Variants in PRLR observed in about 807,000 individuals in gnomAD.
The protein encoded by PRLR is prolactin receptor.
In PRLR, 13 loss-of-function variants were observed where a neutral mutation model predicts 40.2. That is an observed-to-expected ratio of 0.32 (90% CI 0.21 to 0.51). The LOEUF (loss-of-function observed/expected upper bound fraction) is 0.51. Ranked by LOEUF, PRLR falls within the 20% of genes least tolerant of loss-of-function variation. PRLR has a pLI of 0.97. For synonymous variants in PRLR, 269 were observed against 278.7 expected (o/e 0.97, Z 0.35); for missense variants, 656 against 747.3 (o/e 0.88, Z 1.42).
intron 1 of PRLR, among the ~76,000 whole-genome samples, chr5:35,129,439 C>T (rs1773581975): frequency 6.6e-6 from 1 of 152,172 alleles, no homozygotes; most frequent in Admixed American, 6.5e-5. Context: ...CACTGTGGAA[C>T]TGTACAACTC....
In PRLR at chr5:35,072,673, T is replaced by C; in HGVS notation, c.445A>G (p.Ile149Val). 1.9e-6 allele frequency: 3 copies of C among 1,614,208 alleles called. No homozygotes were observed. The highest frequency in any genetic ancestry group is 2.5e-6 in the Non-Finnish European group (3 of 1,180,034). Residue 149 changes from isoleucine (I) to valine (V), a missense_variant, in exon 6 of 10, where the codon ATT (isoleucine) becomes GTT (valine). Physicochemically the swap from Ile to Val is conservative, Grantham distance 29. Transcript: ENST00000618457. ...ATCAGGGTAGGTGGAGACCATTTAA[T>C]CCACAGGTAGGGTTTTCTGTCTTCT... ...QPEDRKPYLW[I>V]KWSPPTLIDL...
rs892568357 is a variant in PRLR, at chr5:35,099,355, G to A, written c.-43-9692C>T. On this transcript the variant is annotated intron_variant, in intron 2 of 9. Transcript: ENST00000618457. ...GTCAGGGCCATTCTAACATCGTAACGTAATGCTTTACGCCGTGTTTGTGGT... is the reference window on the plus strand; with the variant it reads ...GTCAGGGCCATTCTAACATCGTAACATAATGCTTTACGCCGTGTTTGTGGT... Among the ~76,000 whole-genome samples the A allele has an allele frequency of 3.9e-5, 6 of 152,286 alleles. No homozygotes were observed. The East Asian group carries it at 7.7e-4, about 20-fold the overall frequency.
At chr5:35,165,638 T>C (rs1015712022) in intron 1 of PRLR, among the ~76,000 whole-genome samples, 2 of 152,210 alleles carry the variant, frequency 1.3e-5, no homozygotes, top group African/African-American at 4.8e-5. Context: ...AATCTAGTGA[T>C]TCGGGCTTAT....
intron 1 of PRLR, among the ~76,000 whole-genome samples, chr5:35,138,901 G>A (rs997215708): frequency 6.6e-6 from 1 of 152,120 alleles, no homozygotes; most frequent in Non-Finnish European, 1.5e-5. Flanking sequence ...ATTATAAGAT[G>A]TATTCCAATT....
At chr5:35,089,787 G>A in intron 2 of PRLR, 124 bp from the exon 3 acceptor site, 1 of 619,942 alleles carries the variant, frequency 1.6e-6, no homozygotes, top group East Asian at 2.8e-5. Context: ...CAAAATAGGA[G>A]GAAAGGAATG....
rs1204459432 is a variant in PRLR at position 35,065,527 on chromosome 5, C to G, written c.1431G>C (p.Arg477Ser). The G allele has an allele frequency of 6.2e-7, 1 of 1,614,082 alleles. No homozygotes were observed. The highest frequency in any genetic ancestry group is 1.7e-5 in the Admixed American group (1 of 60,006). The change falls in exon 10 of 10, where the codon AGG becomes AGC. Residue 477 changes from arginine (R) to serine (S), a missense_variant. Coordinates refer to ENST00000618457, the MANE Select transcript of PRLR (RefSeq NM_000949.7). ...TCTCAGAATGGAAGCTTTCTACCTC[C>G]CTCTGCTGGGTTGCCTTTCCCTCTT... ...SREEGKATQQ[R>S]EVESFHSETD...
intron 1 of PRLR, among the ~76,000 whole-genome samples, chr5:35,172,158 A>G (rs906462643): frequency 6.6e-6 from 1 of 152,232 alleles, no homozygotes; most frequent in Non-Finnish European, 1.5e-5. Flanking sequence ...TTAAATGCTG[A>G]AAGCAGGACA....
At chr5:35,187,108 A>G (rs1229815057) in intron 1 of PRLR, among the ~76,000 whole-genome samples, 1 of 152,170 alleles carries the variant, frequency 6.6e-6, no homozygotes, top group East Asian at 1.9e-4. Flanking sequence ...TGCCTACTTC[A>G]GAAGGGTGCT....
chr5:35,227,512 T>C (rs1776582444), intron 1 of PRLR, among the ~76,000 whole-genome samples: 1 of 152,262 alleles, frequency 6.6e-6, no homozygotes, highest in East Asian at 1.9e-4. Flanking sequence ...TGAGGCAATG[T>C]GTGAAAGTGC....
At chr5:35,106,678 A>T (rs1328371535) in intron 2 of PRLR, among the ~76,000 whole-genome samples, 2 of 152,220 alleles carry the variant, frequency 1.3e-5, no homozygotes, top group Non-Finnish European at 2.9e-5. Context: ...AAGAGCTACT[A>T]TCCTAAATAT....
chr5:35,087,850 C>T (rs534944924), intron 3 of PRLR, among the ~76,000 whole-genome samples: 47 of 152,202 alleles, frequency 3.1e-4, no homozygotes, highest in Non-Finnish European at 5.1e-4. Context: ...CCACCATGCT[C>T]GCCTACATGA....
chr5:35,222,459 C>A (rs1022504729), intron 1 of PRLR, among the ~76,000 whole-genome samples: 12 of 152,216 alleles, frequency 7.9e-5, no homozygotes, highest in African/African-American at 2.9e-4. Flanking sequence ...GGAATAGCAA[C>A]CAGAGTCTTC....
chr5:35,099,695 C>T (rs567237801), intron 2 of PRLR, among the ~76,000 whole-genome samples: 17 of 152,010 alleles, frequency 1.1e-4, no homozygotes, highest in African/African-American at 4.1e-4. Flanking sequence ...GCAATAGGGA[C>T]GATCCAGACA....
chr5:35,169,629 C>T (rs564739966), intron 1 of PRLR, among the ~76,000 whole-genome samples: 2 of 152,194 alleles, frequency 1.3e-5, no homozygotes, highest in South Asian at 2.1e-4. Context: ...GTCATTACAA[C>T]AATTTTAGCA....
chr5:35,048,998 CT>C, exon 9 of PRLR: 2 of 453,108 alleles, frequency 4.4e-6, no homozygotes, highest in Non-Finnish European at 4.3e-6. Flanking sequence ...GCATAACAAC[CT>C]TTTACTCCAA....
intron 1 of PRLR, among the ~76,000 whole-genome samples, chr5:35,187,883 G>C (rs12514647): frequency 0.11 from 16,946 of 152,176 alleles, 1,086 homozygotes; most frequent in Non-Finnish European, 0.13. Context: ...CTTGGACTTG[G>C]AGGTAAGGGA....
intron 6 of PRLR, among the ~76,000 whole-genome samples, chr5:35,072,042 C>T (rs1579576644): frequency 6.6e-6 from 1 of 152,076 alleles, no homozygotes; most frequent in East Asian, 1.9e-4. Context: ...ATTACAGGTG[C>T]CCGCCACCAC....
intron 5 of PRLR, among the ~76,000 whole-genome samples, chr5:35,083,016 CT>C (rs1770613618): frequency 6.6e-6 from 1 of 151,530 alleles, no homozygotes; most frequent in Non-Finnish European, 1.5e-5. Flanking sequence ...CAGAACATTT[CT>C]TGCTTTCATT....
intron 1 of PRLR, among the ~76,000 whole-genome samples, chr5:35,125,297 G>T (rs970235937): frequency 6.6e-6 from 1 of 152,200 alleles, no homozygotes; most frequent in East Asian, 1.9e-4. Flanking sequence ...ACATGGGGAT[G>T]AGGTGGCCAC....
Sources: gnomAD v4.1 joint callset for allele counts (sites outside exome capture counted in the v4.1 genomes callset) on GRCh38, gnomAD v4.1.1 for gene constraint, MANE v1.5 for transcripts, NCBI Gene and HGNC (gene_info 2026-07-23, HGNC 2026-07-21) for gene names.